Variants in CRISPLD2 observed in about 807,000 individuals in gnomAD.
CRISPLD2 encodes cysteine rich secretory protein LCCL domain containing 2, also known as cysteine-rich secretory protein LCCL domain-containing 2.
CRISPLD2 carries 47 observed loss-of-function variants against 71.1 expected under a neutral mutation model. The observed-to-expected ratio is 0.66, with a 90% CI of 0.52 to 0.84. The LOEUF (loss-of-function observed/expected upper bound fraction) is 0.84. Ranked by LOEUF, CRISPLD2 falls within the 40% of genes least tolerant of loss-of-function variation. The pLI is 0.00. For missense variants in CRISPLD2, 830 were observed against 651.1 expected, an observed-to-expected ratio of 1.27 and a Z score of -2.99; for synonymous variants, 317 against 250.1, an observed-to-expected ratio of 1.27 and a Z score of -2.52.
intron 11 of CRISPLD2, among the ~76,000 whole-genome samples, chr16:84,877,138 G>A (rs2071526168): frequency 6.6e-6 from 1 of 152,190 alleles, no homozygotes; most frequent in South Asian, 2.1e-4. Flanking sequence ...GATCAAGTCA[G>A]GAAAAGCTTC....
intron 6 of CRISPLD2, chr16:84,863,010 C>G (rs1271394576): frequency 1.3e-5 from 2 of 152,154 alleles, no homozygotes; most frequent in Non-Finnish European, 2.9e-5. Context: ...CTGTTGCAGT[C>G]TTGGTGTGAC....
Position 84,870,799 on chromosome 16 carries a change from C to T in CRISPLD2, c.915-1643C>T, listed in dbSNP as rs186608106. On this transcript the variant is annotated intron_variant, in intron 8 of 14. Coordinates refer to ENST00000262424, the MANE Select transcript of CRISPLD2 (RefSeq NM_031476.4). ...TGCGGCCAGGTACGGTGGCTCAAGC[C>T]TGTAATCCCAGCACTTTGGGAGGCC... 6.5e-3 allele frequency among the ~76,000 whole-genome samples: 990 copies of T among 152,194 alleles called. 8 individuals carry two copies. Among genetic ancestry groups the T allele is most frequent in the Middle Eastern group, 0.017 (5 of 294 alleles).
intron 14 of CRISPLD2, among the ~76,000 whole-genome samples, chr16:84,892,036 C>T (rs151293086): frequency 5.0e-4 from 76 of 152,322 alleles, no homozygotes; most frequent in African/African-American, 1.7e-3. Context: ...TCTGCTCCTC[C>T]GTCCTGTGGA....
intron 14 of CRISPLD2, among the ~76,000 whole-genome samples, chr16:84,905,788 C>T (rs1369267629): frequency 4.0e-5 from 6 of 149,974 alleles, no homozygotes; most frequent in African/African-American, 1.5e-4. Flanking sequence ...TGGCTCACTG[C>T]ATCCTCCGCC....
chr16:84,864,421 C>T (rs972018625), intron 6 of CRISPLD2, among the ~76,000 whole-genome samples: 2 of 152,176 alleles, frequency 1.3e-5, no homozygotes, highest in African/African-American at 2.4e-5. Flanking sequence ...TCTAAACATC[C>T]TAAAGGCCAG....
chr16:84,900,525 AC>A (rs1567707380), intron 14 of CRISPLD2, among the ~76,000 whole-genome samples: 1 of 150,852 alleles, frequency 6.6e-6, no homozygotes, highest in East Asian at 2.0e-4. Context: ...CAAAAGCAAG[AC>A]ATCACACAGC....
intron 13 of CRISPLD2, among the ~76,000 whole-genome samples, chr16:84,884,135 A>G (rs1004866539): frequency 5.9e-5 from 9 of 152,122 alleles, no homozygotes; most frequent in Admixed American, 5.2e-4. Flanking sequence ...GTGAGCCACC[A>G]CACACAGCCC....
At chr16:84,877,282 G>GCT (rs2071527441) in intron 11 of CRISPLD2, among the ~76,000 whole-genome samples, 156 bp from the exon 12 acceptor site, 1 of 152,134 alleles carries the variant, frequency 6.6e-6, no homozygotes, top group Non-Finnish European at 1.5e-5. Flanking sequence ...GCCCCTACGT[G>GCT]GGGTACGAGG....
At position 84,906,768 on chromosome 16, in the gene CRISPLD2, A is replaced by G. The variant is rs562532236; in HGVS notation, c.*126A>G. ...TTCCTTTGACTGATGTTCAGTGTCC[A>G]TCACTTTGTGGCCTGTGGGTGAGGT... is the stretch of plus-strand genomic sequence containing the variant. On this transcript the variant is annotated 3_prime_UTR_variant, in exon 15 of 15. Transcript: ENST00000262424. 12 of 1,100,938 alleles carry G rather than the reference A, an allele frequency of 1.1e-5. No homozygotes were observed. The highest frequency in any genetic ancestry group is 1.7e-5 in the Non-Finnish European group (12 of 724,362). 68.2% of individuals were successfully genotyped at this position (1,100,938 alleles called of 1,614,324 possible). A position where few individuals can be genotyped will look rare whatever the true frequency, so the allele number is the denominator to read the frequency against.
In CRISPLD2 at chr16:84,872,394, T is replaced by A. The variant is rs573913693; in HGVS notation, c.915-48T>A. On this transcript the variant is annotated intron_variant, in intron 8 of 14. Coordinates refer to ENST00000262424, the MANE Select transcript of CRISPLD2 (RefSeq NM_031476.4). ...AAAATGATAAACTCATTGTGAGATG[T>A]AATCAACGTGCTTATCTCTGAACAT... 2.8e-6 allele frequency: 4 copies of A among 1,443,224 alleles called. No individual in the cohort carries two copies. In the African/African-American group the frequency reaches 5.6e-5, roughly 20 times the overall value. The allele number at this position is 1,443,224 out of a possible 1,614,324, so 89.4% of individuals were successfully genotyped here.
At chr16:84,902,065 C>A (rs1032586641) in intron 14 of CRISPLD2, among the ~76,000 whole-genome samples, 5 of 149,540 alleles carry the variant, frequency 3.3e-5, no homozygotes, top group African/African-American at 1.2e-4. Flanking sequence ...TCTCAAAGTG[C>A]TGGGATGACA....
intron 1 of CRISPLD2, among the ~76,000 whole-genome samples, chr16:84,822,407 T>A (rs1430587574): frequency 6.6e-6 from 1 of 152,120 alleles, no homozygotes. Flanking sequence ...TCTTTGGAGG[T>A]CAGAAAGTTT....
In CRISPLD2 at chr16:84,857,135, C is replaced by T. The variant is rs61574264; in HGVS notation, c.709+2306C>T. Among the ~76,000 whole-genome samples, 446 of 152,316 alleles carry T rather than the reference C, an allele frequency of 2.9e-3. 4 individuals carry two copies. Among genetic ancestry groups the T allele is most frequent in the African/African-American group, 0.01 (424 of 41,562 alleles). On this transcript the variant is annotated intron_variant, in intron 6 of 14. Transcript: ENST00000262424. ...GTCTTTGCTGCTGGCAAATTGGGCA[C>T]TCAGCAGTGGCCATAGCCAGGTCAG...
chr16:84,825,413 A>C (rs1178126995), intron 1 of CRISPLD2, among the ~76,000 whole-genome samples: 1 of 152,128 alleles, frequency 6.6e-6, no homozygotes, highest in Non-Finnish European at 1.5e-5. Flanking sequence ...AAATTTAAAA[A>C]TTAGCTGGTG....
In CRISPLD2 at chr16:84,908,752, G is replaced by A. The variant is rs2071827264; in HGVS notation, c.*2110G>A. The A allele has an allele frequency of 7.3e-6, 1 of 137,344 alleles. No homozygotes were observed. Among genetic ancestry groups the A allele is most frequent in the Non-Finnish European group, 1.5e-5 (1 of 65,872 alleles). 8.5% of individuals were successfully genotyped at this position (137,344 alleles called of 1,614,324 possible). A position where few individuals can be genotyped will look rare whatever the true frequency, so the allele number is the denominator to read the frequency against. The stretch of plus-strand genomic sequence containing the variant: ...TGCCCAAGGTAGAGTGCAGTGGCGT[G>A]ATCTCTGCTCATTGCAACTGCCGCC... On this transcript the variant is annotated 3_prime_UTR_variant, in exon 15 of 15. Transcript: ENST00000262424.
chr16:84,828,611 A>C (rs1047225187), intron 1 of CRISPLD2, among the ~76,000 whole-genome samples: 1 of 152,184 alleles, frequency 6.6e-6, no homozygotes, highest in Non-Finnish European at 1.5e-5. Flanking sequence ...CACGTCTTCA[A>C]GAAGGGAGAA....
At chr16:84,880,179 C>T (rs1284435235) in intron 12 of CRISPLD2, among the ~76,000 whole-genome samples, 1 of 152,186 alleles carries the variant, frequency 6.6e-6, no homozygotes, top group Non-Finnish European at 1.5e-5. Flanking sequence ...AACTAGCCAA[C>T]ATCCAAGAAT....
At position 84,849,450 on chromosome 16, in the gene CRISPLD2, A is replaced by C; in HGVS notation, c.425A>C (p.Tyr142Ser). 6.2e-7 allele frequency: 1 copy of C among 1,614,084 alleles called. No individual in the cohort carries two copies. The highest frequency in any genetic ancestry group is 1.3e-5 in the African/African-American group (1 of 75,018). Residue 142 changes from tyrosine (Y) to serine (S), a missense_variant, in exon 4 of 15, where the codon TAC (tyrosine) becomes TCC (serine). By Grantham distance (144) the Tyr-to-Ser change is moderately radical. Transcript: ENST00000262424. ...GAGGTGAAGGACTACACCTACCCCT[A>C]CCCGAGCGAGTGCAACCCCTGGTGT... ...YDEVKDYTYP[Y>S]PSECNPWCPE...
At chr16:84,879,134 C>T (rs907303283) in intron 12 of CRISPLD2, among the ~76,000 whole-genome samples, 6 of 152,256 alleles carry the variant, frequency 3.9e-5, no homozygotes, top group Admixed American at 3.9e-4. Context: ...TTCTCTGGGC[C>T]TCCACTGCCT....
Sources: gnomAD v4.1 joint callset for allele counts (sites outside exome capture counted in the v4.1 genomes callset) on GRCh38, gnomAD v4.1.1 for gene constraint, MANE v1.5 for transcripts, NCBI Gene and HGNC (gene_info 2026-07-23, HGNC 2026-07-21) for gene names.